The following RALB variants were observed in gnomAD, a reference collection of about 807,000 sequenced individuals.
RALB encodes ras-related protein Ral-B.
A neutral mutation model predicts 21.3 loss-of-function variants in RALB; 16 were observed. That is an observed-to-expected ratio of 0.75 (90% confidence interval 0.51 to 1.14). The LOEUF (loss-of-function observed/expected upper bound fraction) is 1.14, where lower values mean the gene tolerates loss of function less well. Among genes scored for constraint, RALB ranks in the 50% most tolerant of loss-of-function variants. RALB has a pLI of 0.00. For missense variants in RALB, 161 were observed against 256.2 expected (o/e 0.63, Z 2.54); for synonymous variants, 93 against 96.1 (o/e 0.97, Z 0.19).
At chr2:120,242,268 G>A (rs1326530865) in intron 1 of RALB, among the ~76,000 whole-genome samples, 1 of 152,174 alleles carries the variant, frequency 6.6e-6, no homozygotes, top group Non-Finnish European at 1.5e-5. Context: ...AGGAGGGAAG[G>A]GCAGTGAGTG....
chr2:120,284,231 A>G (rs1392576496), intron 2 of RALB, among the ~76,000 whole-genome samples: 1 of 152,168 alleles, frequency 6.6e-6, no homozygotes. Context: ...TAATATTTTT[A>G]TTTTTGAGTA....
At chr2:120,243,812 G>A (rs1016662062) in intron 1 of RALB, among the ~76,000 whole-genome samples, 1 of 152,130 alleles carries the variant, frequency 6.6e-6, no homozygotes, top group Non-Finnish European at 1.5e-5. Flanking sequence ...ATTTCATGTG[G>A]CAAGTCTAGT....
chr2:120,271,529 G>A (rs1689665589), intron 1 of RALB, among the ~76,000 whole-genome samples: 1 of 152,164 alleles, frequency 6.6e-6, no homozygotes, highest in South Asian at 2.1e-4. Context: ...TAGAATCAAA[G>A]TTTCTTAAGA....
chr2:120,271,045 G>T (rs565605359), intron 1 of RALB, among the ~76,000 whole-genome samples: 1 of 152,308 alleles, frequency 6.6e-6, no homozygotes, highest in South Asian at 2.1e-4. Flanking sequence ...GAGAGATTAG[G>T]TTTCCCCTAG....
chr2:120,253,603 T>C (rs1365086976), intron 1 of RALB: 1 of 983,998 alleles, frequency 1.0e-6, no homozygotes, highest in Non-Finnish European at 1.2e-6. Flanking sequence ...TGTGGGAGTG[T>C]GAGGTTAACC....
intron 2 of RALB, among the ~76,000 whole-genome samples, chr2:120,279,793 A>G (rs1689940214): frequency 1.3e-5 from 2 of 152,220 alleles, no homozygotes; most frequent in South Asian, 2.1e-4. Flanking sequence ...AAAGAAAGCT[A>G]TCACAACCAC....
chr2:120,253,091 C>A, intron 1 of RALB, 111 bp downstream of exon 1: 2 of 760,932 alleles, frequency 2.6e-6, no homozygotes, highest in Non-Finnish European at 3.2e-6. Flanking sequence ...TGTGGCCGGG[C>A]GGCGGCAGGA....
chr2:120,248,451 G>A (rs1689005437), upstream of RALB, among the ~76,000 whole-genome samples: 1 of 152,078 alleles, frequency 6.6e-6, no homozygotes, highest in Admixed American at 6.6e-5. Context: ...GTTCCTCTGG[G>A]GTTTGGCAGG....
chr2:120,257,756 C>G (rs1395695567), intron 1 of RALB, among the ~76,000 whole-genome samples: 2 of 152,170 alleles, frequency 1.3e-5, no homozygotes, highest in East Asian at 1.9e-4. Context: ...GAGCTAGTAT[C>G]TTTCTTTTCT....
intron 1 of RALB, among the ~76,000 whole-genome samples, chr2:120,274,771 A>G (rs551026375): frequency 2.6e-5 from 4 of 151,958 alleles, no homozygotes; most frequent in African/African-American, 7.2e-5. Flanking sequence ...TTCTTTTTCA[A>G]CTCCATCAGG....
chr2:120,257,909 C>G (rs1479770064), intron 1 of RALB, among the ~76,000 whole-genome samples: 1 of 152,262 alleles, frequency 6.6e-6, no homozygotes, highest in East Asian at 1.9e-4. Flanking sequence ...CATGGCAAAC[C>G]TTTTAAAAAT....
intron 1 of RALB, among the ~76,000 whole-genome samples, chr2:120,265,356 C>T (rs537260824): frequency 6.6e-6 from 1 of 152,320 alleles, no homozygotes; most frequent in African/African-American, 2.4e-5. Context: ...AGGAAAGGCC[C>T]AGTAACAGTA....
intron 1 of RALB, among the ~76,000 whole-genome samples, chr2:120,276,263 T>A (rs1689791108): frequency 6.6e-6 from 1 of 152,208 alleles, no homozygotes; most frequent in Non-Finnish European, 1.5e-5. Flanking sequence ...TCCAGGCTGC[T>A]CTTTTTTAGA....
rs550965963 is a variant in RALB at position 120,253,478 on chromosome 2, T to C, written c.-48+498T>C. Reference sequence around the variant, plus strand: ...TTTGGTCCTGTCTTGCAAATGAGCATAAAGTTGTTTCTCCCCCAGCCTCCT... The same window carrying C: ...TTTGGTCCTGTCTTGCAAATGAGCACAAAGTTGTTTCTCCCCCAGCCTCCT... On this transcript the variant is annotated intron_variant, in intron 1 of 4. Transcript: ENST00000272519. The C allele has an allele frequency of 1.2e-5, 12 of 985,796 alleles. No individual in the cohort carries two copies. The East Asian group carries it at 9.1e-4, about 75-fold the overall frequency. 61.1% of individuals were successfully genotyped at this position (985,796 alleles called of 1,614,324 possible).
intron 1 of RALB, among the ~76,000 whole-genome samples, chr2:120,278,096 TGTGA>T (rs1054529366): frequency 1.7e-4 from 25 of 150,964 alleles, no homozygotes; most frequent in Non-Finnish European, 3.0e-4. Flanking sequence ...TGTGGGCATG[TGTGA>T]GTGTGTTAGT....
At position 120,258,733 on chromosome 2, in the gene RALB, A is replaced by C. The variant is rs557957577; in HGVS notation, c.-48+5753A>C. Among the ~76,000 whole-genome samples the C allele has an allele frequency of 2.9e-4, 44 of 152,318 alleles. No individual in the cohort carries two copies. In the Middle Eastern group the frequency reaches 0.014, roughly 47 times the overall value. On this transcript the variant is annotated intron_variant, in intron 1 of 4. Coordinates refer to ENST00000272519, the MANE Select transcript of RALB (RefSeq NM_002881.3). ...ATGGAATAGCTAGAAATGGTCATGA[A>C]TTGAGCTGGGGAGAGGCAATGGGAG...
chr2:120,240,124 A>G (rs892107765), exon 1 of RALB: 1 of 1,289,718 alleles, frequency 7.8e-7, no homozygotes, highest in Non-Finnish European at 1.0e-6. Flanking sequence ...AGCGGCAGTC[A>G]GGTGGGTGCC....
At chr2:120,275,409 C>T (rs752171907) in intron 1 of RALB, among the ~76,000 whole-genome samples, 1 of 152,242 alleles carries the variant, frequency 6.6e-6, no homozygotes, top group Non-Finnish European at 1.5e-5. Context: ...CTTTTGAGCT[C>T]AGCTGTGCAT....
chr2:120,289,068 C>T (rs188269227), intron 3 of RALB, among the ~76,000 whole-genome samples: 14 of 152,206 alleles, frequency 9.2e-5, no homozygotes, highest in Non-Finnish European at 1.6e-4. Context: ...CTGCTGGTTG[C>T]GACCCACTAG....
Sources: allele counts gnomAD v4.1 joint callset (sites outside exome capture counted in the v4.1 genomes callset), GRCh38; gene constraint gnomAD v4.1.1; transcripts MANE v1.5; gene names NCBI Gene and HGNC (gene_info 2026-07-23, HGNC 2026-07-21).